Variants in UGT1A7 observed in about 807,000 individuals in gnomAD.
UGT1A7 encodes UDP-glucuronosyltransferase 1A7.
UGT1A7 carries 33 observed loss-of-function variants against 45.6 expected under a neutral mutation model. The ratio of observed to expected loss-of-function variants is 0.72; its 90% CI spans 0.55 to 0.97. The LOEUF is 0.97. UGT1A7 is among the 50% of genes least tolerant of loss of function. The pLI is 0.00. For synonymous variants in UGT1A7, 274 were observed against 250.6 expected (o/e 1.09, Z -0.88); for missense variants, 684 against 666.2 (o/e 1.03, Z -0.29).
At chr2:233,725,685 C>T (rs2077466808) in intron 1 of UGT1A7, among the ~76,000 whole-genome samples, 2 of 152,008 alleles carry the variant, frequency 1.3e-5, no homozygotes, top group African/African-American at 4.8e-5. Flanking sequence ...TTCAAGTGCT[C>T]AATAGTCATA....
intron 1 of UGT1A7, among the ~76,000 whole-genome samples, chr2:233,737,291 C>T (rs771202553): frequency 3.3e-5 from 5 of 152,210 alleles, no homozygotes; most frequent in South Asian, 2.1e-4. Context: ...GCCAGGCTGC[C>T]GCCTCACAGT....
chr2:233,752,967 C>G (rs1695099374), intron 1 of UGT1A7, among the ~76,000 whole-genome samples: 2 of 152,152 alleles, frequency 1.3e-5, no homozygotes, highest in African/African-American at 2.4e-5. Context: ...TTTATGTAAC[C>G]AATTGTGTAG....
chr2:233,683,078 C>T (rs1475851543), intron 1 of UGT1A7, among the ~76,000 whole-genome samples: 1 of 152,052 alleles, frequency 6.6e-6, no homozygotes, highest in East Asian at 1.9e-4. Flanking sequence ...AGAAATGAAA[C>T]TTCCCTTTTT....
intron 1 of UGT1A7, chr2:233,717,918 A>C (rs2076615839): frequency 2.2e-6 from 1 of 454,686 alleles, no homozygotes; most frequent in Non-Finnish European, 4.4e-6. Flanking sequence ...GGCCTGGATG[A>C]ATGGATACTT....
intron 1 of UGT1A7, among the ~76,000 whole-genome samples, chr2:233,724,351 C>G: frequency 6.8e-6 from 1 of 147,806 alleles, no homozygotes; most frequent in African/African-American, 2.5e-5. Context: ...CCCCCCCCAC[C>G]TCCCTCCCGG....
At chr2:233,752,219 T>C (rs897315678) in intron 1 of UGT1A7, 28 of 152,194 alleles carry the variant, frequency 1.8e-4, no homozygotes, top group African/African-American at 6.0e-4. Context: ...AGAAAAAATA[T>C]CTGGCATTTT....
intron 1 of UGT1A7, among the ~76,000 whole-genome samples, chr2:233,727,321 C>T (rs1225284066): frequency 6.6e-6 from 1 of 152,152 alleles, no homozygotes; most frequent in African/African-American, 2.4e-5. Flanking sequence ...TTCCCAGGCA[C>T]CAGGAGCTCC....
chr2:233,743,289 C>T (rs1692256126), intron 1 of UGT1A7: 3 of 525,668 alleles, frequency 5.7e-6, no homozygotes, highest in Non-Finnish European at 9.9e-6. Flanking sequence ...CTTGGCCATT[C>T]TCAATGATTC....
chr2:233,760,189 G>A lies in UGT1A7; in HGVS notation c.856-6845G>A, dbSNP rs774584406. On this transcript the variant is annotated intron_variant, in intron 1 of 4. Transcript: ENST00000373426. ...TGGACTGACAGCTTTTTATAGTCACGTGACACAGTCAAACATTAACTTGGT... is the reference window on the plus strand; with the variant it reads ...TGGACTGACAGCTTTTTATAGTCACATGACACAGTCAAACATTAACTTGGT... 2.2e-5 allele frequency: 35 copies of A among 1,566,148 alleles called. No individual in the cohort carries two copies. In the South Asian group the frequency reaches 3.1e-4, roughly 14 times the overall value.
chr2:233,684,878 G>A (rs1473461044), intron 1 of UGT1A7, among the ~76,000 whole-genome samples: 1 of 152,092 alleles, frequency 6.6e-6, no homozygotes, highest in Admixed American at 6.5e-5. Context: ...ATATGGGCAG[G>A]GTGTGTCTTG....
At chr2:233,718,794 A>T (rs2076686034) in intron 1 of UGT1A7, 2 of 1,613,190 alleles carry the variant, frequency 1.2e-6, no homozygotes, top group Non-Finnish European at 1.7e-6. Flanking sequence ...TGGGGTGGAC[A>T]GTCAGCTGTC....
At chr2:233,754,243 C>T (rs1695428431) in intron 1 of UGT1A7, 1 of 170,446 alleles carries the variant, frequency 5.9e-6, no homozygotes. Flanking sequence ...CTCACACTTT[C>T]CCAACGGAAA....
intron 1 of UGT1A7, chr2:233,708,796 T>G (rs1300291034): frequency 6.6e-6 from 1 of 151,050 alleles, no homozygotes; most frequent in African/African-American, 2.4e-5. Context: ...ATCACTTTAT[T>G]TGGGCAACTT....
chr2:233,704,968 T>A (rs2075815720), intron 1 of UGT1A7, among the ~76,000 whole-genome samples: 1 of 152,042 alleles, frequency 6.6e-6, no homozygotes, highest in South Asian at 2.1e-4. Flanking sequence ...AAACCCCATC[T>A]CTACTTAAAA....
intron 1 of UGT1A7, among the ~76,000 whole-genome samples, chr2:233,717,003 A>G (rs932364808): frequency 5.3e-5 from 8 of 152,104 alleles, no homozygotes; most frequent in African/African-American, 1.4e-4. Flanking sequence ...CAGGGCCCCT[A>G]TGTCTCTGAA....
At chr2:233,721,019 A>AAT (rs1377693832) in intron 1 of UGT1A7, among the ~76,000 whole-genome samples, 6 of 152,098 alleles carry the variant, frequency 3.9e-5, no homozygotes, top group Non-Finnish European at 8.8e-5. Context: ...TGAGGGAGCC[A>AAT]TCTTTCTTGT....
At chr2:233,765,957 T>C (rs1248795427) in intron 1 of UGT1A7, among the ~76,000 whole-genome samples, 3 of 151,920 alleles carry the variant, frequency 2.0e-5, no homozygotes, top group Non-Finnish European at 2.9e-5. Flanking sequence ...TCACCGGCAG[T>C]GTCTAGAGGT....
In UGT1A7 at chr2:233,739,453, T is replaced by C. The variant is rs547322370; in HGVS notation, c.856-27581T>C. On this transcript the variant is annotated intron_variant, in intron 1 of 4. Transcript: ENST00000373426. ...GGCTTTACCCTGCAAAGCCACAGGG[T>C]TGGAGCTGCCTGAGACCGTGGGAGC... 3.9e-5 allele frequency among the ~76,000 whole-genome samples: 6 copies of C among 152,290 alleles called. No homozygotes were observed. The East Asian group carries it at 5.8e-4, about 15-fold the overall frequency.
At chr2:233,760,857 C>G in intron 1 of UGT1A7, 1 of 1,614,098 alleles carries the variant, frequency 6.2e-7, no homozygotes, top group Non-Finnish European at 8.5e-7. Flanking sequence ...CCAACCCATT[C>G]TCCTACGTGC....
Sources: allele counts gnomAD v4.1 joint callset (sites outside exome capture counted in the v4.1 genomes callset), GRCh38; gene constraint gnomAD v4.1.1; transcripts MANE v1.5; gene names NCBI Gene and HGNC (gene_info 2026-07-23, HGNC 2026-07-21).